The following TCERG1L variants were observed in gnomAD, a reference collection of about 807,000 sequenced individuals.
TCERG1L encodes the protein transcription elongation regulator 1-like protein.
Under a neutral mutation model 56.3 loss-of-function variants are expected in TCERG1L, and 37 were observed. That is an observed-to-expected ratio of 0.66 (90% CI 0.51 to 0.87). The LOEUF is 0.87. Among genes scored for constraint, TCERG1L ranks in the 40% least tolerant of loss-of-function variants. TCERG1L has a pLI of 0.00. For synonymous variants in TCERG1L, 324 were observed against 326.3 expected, an observed-to-expected ratio of 0.99 and a Z score of 0.08; for missense variants, 799 against 774.2, an observed-to-expected ratio of 1.03 and a Z score of -0.38.
intron 3 of TCERG1L, among the ~76,000 whole-genome samples, chr10:131,274,226 C>T (rs183900244): frequency 3.3e-5 from 5 of 152,310 alleles, no homozygotes; most frequent in South Asian, 2.1e-4. Context: ...TATTCTAAAA[C>T]GATCATTCTG....
intron 4 of TCERG1L, among the ~76,000 whole-genome samples, chr10:131,233,393 T>C (rs1431058434): frequency 1.3e-5 from 2 of 152,110 alleles, no homozygotes; most frequent in Admixed American, 1.3e-4. Flanking sequence ...TAATCAGGGA[T>C]GGTGTTCTTG....
chr10:131,163,272 G>T, intron 5 of TCERG1L, 62 bp from the exon 6 acceptor site: 3 of 1,303,604 alleles, frequency 2.3e-6, no homozygotes, highest in Non-Finnish European at 3.1e-6. Flanking sequence ...TCAATTACAA[G>T]CAAGGAAGGG....
intron 3 of TCERG1L, among the ~76,000 whole-genome samples, chr10:131,306,696 A>C (rs1846821724): frequency 6.6e-6 from 1 of 152,142 alleles, no homozygotes; most frequent in Admixed American, 6.5e-5. Context: ...AAATAGATAC[A>C]TCCAAAAATC....
At chr10:131,109,136 C>T (rs948483737) in intron 9 of TCERG1L, among the ~76,000 whole-genome samples, 3 of 152,298 alleles carry the variant, frequency 2.0e-5, no homozygotes, top group South Asian at 2.1e-4. Flanking sequence ...GACCAGGACA[C>T]GCTGTTCCTC....
chr10:131,139,332 C>A (rs1339128686), intron 7 of TCERG1L, among the ~76,000 whole-genome samples: 1 of 152,198 alleles, frequency 6.6e-6, no homozygotes, highest in Admixed American at 6.5e-5. Context: ...TGTGTGGGAG[C>A]ACAAAGCACA....
At chr10:131,242,233 G>A (rs1294368321) in intron 4 of TCERG1L, among the ~76,000 whole-genome samples, 1 of 152,216 alleles carries the variant, frequency 6.6e-6, no homozygotes, top group Admixed American at 6.5e-5. Context: ...GCAGCCGCCA[G>A]GAGGAGCTGC....
intron 3 of TCERG1L, among the ~76,000 whole-genome samples, chr10:131,273,422 G>A (rs933274019): frequency 1.1e-4 from 17 of 152,292 alleles, no homozygotes; most frequent in African/African-American, 3.1e-4. Context: ...CCAAAGCCCC[G>A]GGCTTTGCTG....
At chr10:131,108,889 G>A (rs1845381560) in intron 9 of TCERG1L, among the ~76,000 whole-genome samples, 2 of 152,178 alleles carry the variant, frequency 1.3e-5, no homozygotes, top group Admixed American at 6.5e-5. Flanking sequence ...GGCTCCGAGC[G>A]GCTGCCTGCA....
chr10:131,130,257 A>G (rs1322556504), intron 8 of TCERG1L, among the ~76,000 whole-genome samples: 3 of 152,150 alleles, frequency 2.0e-5, no homozygotes, highest in Non-Finnish European at 2.9e-5. Context: ...AGTCACTATC[A>G]TGAGAACAGG....
At position 131,308,506 on chromosome 10, in the gene TCERG1L, A is replaced by AT. The variant is rs1282022338; in HGVS notation, c.490-116dup. 7.7e-5 allele frequency: 64 copies of AT among 832,370 alleles called. No homozygotes were observed. The East Asian group carries it at 1.5e-3, about 20-fold the overall frequency. The allele number at this position is 832,370 out of a possible 1,614,324, so 51.6% of individuals were successfully genotyped here. A position where few individuals can be genotyped will look rare whatever the true frequency, so the allele number is the denominator to read the frequency against. ...TTGATCCAACATTGAACATTCTATT[A>AT]TTGGGGACTCTATAAAACCATCATT... On this transcript the variant is annotated intron_variant, in intron 2 of 11. Transcript: ENST00000368642.
chr10:131,309,011 A>C, intron 2 of TCERG1L, 142 bp downstream of exon 2: 1 of 959,950 alleles, frequency 1.0e-6, no homozygotes, highest in Non-Finnish European at 1.5e-6. Flanking sequence ...AAATCAATCT[A>C]ATCCTGAAAT....
At chr10:131,137,139 C>G (rs1845684514) in intron 7 of TCERG1L, among the ~76,000 whole-genome samples, 2 of 138,262 alleles carry the variant, frequency 1.4e-5, no homozygotes, top group South Asian at 5.3e-4. Flanking sequence ...AACTCTGTCT[C>G]AAAAAACAAC....
intron 8 of TCERG1L, among the ~76,000 whole-genome samples, chr10:131,126,526 G>T (rs536506812): frequency 6.6e-6 from 1 of 151,612 alleles, no homozygotes; most frequent in Non-Finnish European, 1.5e-5. Flanking sequence ...TCTCAGCTGC[G>T]GGAGGCAGGG....
At chr10:131,230,215 G>T (rs555837838) in intron 4 of TCERG1L, among the ~76,000 whole-genome samples, 1 of 152,326 alleles carries the variant, frequency 6.6e-6, no homozygotes, top group East Asian at 1.9e-4. Flanking sequence ...TTGGGTCCTT[G>T]TGTTTCATTT....
At chr10:131,126,175 A>G (rs1317434263) in intron 8 of TCERG1L, among the ~76,000 whole-genome samples, 2 of 152,216 alleles carry the variant, frequency 1.3e-5, no homozygotes, top group African/African-American at 4.8e-5. Flanking sequence ...CTAAGGCCAG[A>G]CAGGCCCTAC....
Position 131,260,249 on chromosome 10 carries a change from C to T in TCERG1L, c.856+10G>A. ...CAGCACCAGGCGTCGGGACGGCGCT[C>T]CGAGCCTACCTGAGACGGGGGACGT... On this transcript the variant is annotated intron_variant, in intron 4 of 11. Transcript: ENST00000368642. The surrounding 1 kb of genome is among the most constrained non-coding windows in gnomAD (Gnocchi z 5.8). 7.4e-7 allele frequency: 1 copy of T among 1,353,648 alleles called. No individual in the cohort carries two copies. 83.9% of individuals were successfully genotyped at this position (1,353,648 alleles called of 1,614,324 possible). A position where few individuals can be genotyped will look rare whatever the true frequency, so the allele number is the denominator to read the frequency against.
At position 131,116,883 on chromosome 10, in the gene TCERG1L, T is replaced by C. The variant is rs1311939255; in HGVS notation, c.1311A>G (p.Lys437=). The C allele has an allele frequency of 1.9e-6, 3 of 1,602,124 alleles. No homozygotes were observed. The highest frequency in any genetic ancestry group is 3.4e-5 in the Admixed American group (2 of 58,378). Residue 437 remains lysine, a synonymous_variant, in exon 9 of 12, where the codon AAA becomes AAG. Coordinates refer to ENST00000368642, the MANE Select transcript of TCERG1L (RefSeq NM_174937.4). The part of the protein sequence containing the change: ...PKPEEAKRED[K]GTRTPPPQIL... ...TCTGCGGGGGCGGCGTCCTTGTGCC[T>C]TTGTCCTCTCTCTTTGCCTCCTCTG...
chr10:131,225,674 T>A (rs1033044005), intron 4 of TCERG1L, among the ~76,000 whole-genome samples: 9 of 152,026 alleles, frequency 5.9e-5, no homozygotes, highest in African/African-American at 2.2e-4. Context: ...ACAGACCACA[T>A]GGAACGCAGA....
At chr10:131,177,498 T>G (rs535394442) in intron 4 of TCERG1L, among the ~76,000 whole-genome samples, 1 of 152,382 alleles carries the variant, frequency 6.6e-6, no homozygotes, top group South Asian at 2.1e-4. Context: ...GCTTCTCTGA[T>G]GAGAACTGTG....
Sources: allele counts gnomAD v4.1 joint callset (sites outside exome capture counted in the v4.1 genomes callset), GRCh38; gene constraint gnomAD v4.1.1; non-coding constraint Gnocchi (gnomAD v3.1); transcripts MANE v1.5; gene names NCBI Gene and HGNC (gene_info 2026-07-23, HGNC 2026-07-21).